INPP4B: variants seen among roughly 807,000 people sequenced by gnomAD.
INPP4B encodes inositol polyphosphate-4-phosphatase type II B.
INPP4B carries 55 observed loss-of-function variants against 122.5 expected under a neutral mutation model. The ratio of observed to expected loss-of-function variants is 0.45; its 90% CI spans 0.36 to 0.56. The LOEUF (loss-of-function observed/expected upper bound fraction) is 0.56, where lower values mean the gene tolerates loss of function less well. Ranked by LOEUF, INPP4B falls within the 20% of genes least tolerant of loss-of-function variation. INPP4B has a pLI of 0.00. For synonymous variants in INPP4B, 403 were observed against 388.7 expected (o/e 1.04, Z -0.43); for missense variants, 1,000 against 1,097.7 (o/e 0.91, Z 1.26).
chr4:142,376,671 TG>T (rs764635393), intron 7 of INPP4B, among the ~76,000 whole-genome samples: 32 of 151,964 alleles, frequency 2.1e-4, no homozygotes, highest in Admixed American at 1.1e-3. Flanking sequence ...ATGAGCTAAG[TG>T]GAAATCATCA....
intron 3 of INPP4B, among the ~76,000 whole-genome samples, chr4:142,456,884 A>G (rs1164703193): frequency 2.0e-5 from 3 of 152,058 alleles, no homozygotes; most frequent in Non-Finnish European, 2.9e-5. Flanking sequence ...AGGATAGCAA[A>G]AACAGTTTTG....
At chr4:142,141,651 A>T (rs1463568444) in intron 18 of INPP4B, among the ~76,000 whole-genome samples, 1 of 152,106 alleles carries the variant, frequency 6.6e-6, no homozygotes, top group East Asian at 1.9e-4. Context: ...ATACTGTAAA[A>T]CCTTGGTTCT....
At chr4:142,662,044 T>G (rs1469144783) in intron 2 of INPP4B, among the ~76,000 whole-genome samples, 15 of 152,062 alleles carry the variant, frequency 9.9e-5, no homozygotes, top group Non-Finnish European at 1.0e-4. Context: ...CCATCCTTGC[T>G]AACACAGTGA....
intron 7 of INPP4B, among the ~76,000 whole-genome samples, chr4:142,340,387 T>C (rs1480416425): frequency 7.5e-6 from 1 of 133,396 alleles, no homozygotes; most frequent in African/African-American, 2.7e-5. Context: ...TGATGCCATA[T>C]AACGTACTTC....
At chr4:142,231,026 T>C (rs1228119445) in intron 12 of INPP4B, among the ~76,000 whole-genome samples, 1 of 152,218 alleles carries the variant, frequency 6.6e-6, no homozygotes, top group African/African-American at 2.4e-5. Context: ...CAGAAGGTGT[T>C]AATGCTTAAG....
intron 1 of INPP4B, among the ~76,000 whole-genome samples, chr4:142,822,035 C>A (rs1288537137): frequency 6.6e-6 from 1 of 152,082 alleles, no homozygotes. Flanking sequence ...GGAAGAAGTT[C>A]CAGCTGCCTT....
intron 7 of INPP4B, among the ~76,000 whole-genome samples, chr4:142,381,140 A>C (rs970058443): frequency 5.9e-5 from 9 of 152,152 alleles, no homozygotes; most frequent in African/African-American, 2.2e-4. Flanking sequence ...TTGCTGGATC[A>C]AAATGTACAC....
intron 7 of INPP4B, among the ~76,000 whole-genome samples, chr4:142,339,089 C>T (rs1028985720): frequency 1.3e-5 from 2 of 152,210 alleles, no homozygotes; most frequent in African/African-American, 2.4e-5. Context: ...GCCTTCTCTA[C>T]TCAGTTCTCT....
At chr4:142,281,414 C>T (rs990997163) in intron 9 of INPP4B, among the ~76,000 whole-genome samples, 5 of 151,182 alleles carry the variant, frequency 3.3e-5, no homozygotes, top group African/African-American at 1.2e-4. Context: ...AATCAAAATG[C>T]TTTTAGACAC....
intron 16 of INPP4B, among the ~76,000 whole-genome samples, chr4:142,173,357 G>T (rs867375979): frequency 8.8e-5 from 13 of 147,348 alleles, no homozygotes; most frequent in South Asian, 2.1e-4. Context: ...ATAAACCAAA[G>T]AAAATGAAAG....
chr4:142,601,132 C>T (rs74392574), intron 2 of INPP4B, among the ~76,000 whole-genome samples: 1,747 of 152,124 alleles, frequency 0.011, 30 homozygotes, highest in African/African-American at 0.04. Flanking sequence ...CAGCATTAGA[C>T]AGATTATCAG....
chr4:142,674,267 A>G (rs1330344324), intron 2 of INPP4B, among the ~76,000 whole-genome samples: 1 of 152,048 alleles, frequency 6.6e-6, no homozygotes, highest in Non-Finnish European at 1.5e-5. Flanking sequence ...CTGAATGTAA[A>G]TCTGCTCAGA....
chr4:142,323,947 G>A (rs771045699), intron 7 of INPP4B, among the ~76,000 whole-genome samples: 1 of 152,076 alleles, frequency 6.6e-6, no homozygotes, highest in African/African-American at 2.4e-5. Context: ...GCTGAAATGT[G>A]TTTCTCCAAT....
At chr4:142,108,949 C>T (rs1383773855) in intron 22 of INPP4B, among the ~76,000 whole-genome samples, 1 of 152,124 alleles carries the variant, frequency 6.6e-6, no homozygotes, top group Non-Finnish European at 1.5e-5. Flanking sequence ...TTTCAGTGTG[C>T]ATTTTCCAAC....
chr4:142,190,223 TG>T (rs1442645867), intron 15 of INPP4B, among the ~76,000 whole-genome samples: 2 of 150,430 alleles, frequency 1.3e-5, no homozygotes, highest in Non-Finnish European at 2.9e-5. Context: ...TTTTTTTTGG[TG>T]GGGGGCAATA....
At chr4:142,589,038 AC>A (rs1301483466) in intron 2 of INPP4B, among the ~76,000 whole-genome samples, 6 of 151,994 alleles carry the variant, frequency 3.9e-5, no homozygotes, top group African/African-American at 1.4e-4. Flanking sequence ...CCAGAACTAG[AC>A]CCACACAAAT....
At chr4:142,182,168 G>A (rs1030330694) in intron 15 of INPP4B, among the ~76,000 whole-genome samples, 2 of 152,284 alleles carry the variant, frequency 1.3e-5, no homozygotes, top group African/African-American at 4.8e-5. Flanking sequence ...CTGCATTGGT[G>A]ACTCAATCGT....
chr4:142,118,141 A>C (rs571317230), intron 21 of INPP4B, among the ~76,000 whole-genome samples: 46 of 152,324 alleles, frequency 3.0e-4, no homozygotes, highest in African/African-American at 1.1e-3. Context: ...ACGAAATAAA[A>C]GAGGACACAA....
chr4:142,500,984 T>C (rs187979044), intron 2 of INPP4B, among the ~76,000 whole-genome samples: 133 of 152,342 alleles, frequency 8.7e-4, no homozygotes, highest in Non-Finnish European at 1.6e-3. Flanking sequence ...AACAATACTA[T>C]ATTGTAAAAT....
Sources: allele counts gnomAD v4.1 joint callset (sites outside exome capture counted in the v4.1 genomes callset), GRCh38; gene constraint gnomAD v4.1.1; transcripts MANE v1.5; gene names NCBI Gene and HGNC (gene_info 2026-07-23, HGNC 2026-07-21).